Variants in KCNQ5 observed in about 807,000 individuals in gnomAD.
KCNQ5 encodes the protein potassium voltage-gated channel subfamily KQT member 5.
A neutral mutation model predicts 98.2 loss-of-function variants in KCNQ5; 30 were observed. The ratio of observed to expected loss-of-function variants is 0.31; its 90% CI spans 0.23 to 0.41. KCNQ5 has a LOEUF of 0.41. Ranked by LOEUF, KCNQ5 falls within the 10% of genes least tolerant of loss-of-function variation. The probability of loss-of-function intolerance (pLI) is 1.00; values close to 1 mark genes in which losing one functional copy is unlikely to be tolerated. For synonymous variants in KCNQ5, 458 were observed against 449.4 expected (o/e 1.02, Z -0.24); for missense variants, 835 against 1,182.5 (o/e 0.71, Z 4.31).
At chr6:72,961,773 G>A (rs1244666400) in intron 1 of KCNQ5, among the ~76,000 whole-genome samples, 2 of 152,118 alleles carry the variant, frequency 1.3e-5, no homozygotes, top group Admixed American at 6.6e-5. Flanking sequence ...ATCCATTCAG[G>A]TAATTGTGCA....
intron 5 of KCNQ5, among the ~76,000 whole-genome samples, chr6:73,092,655 T>G (rs1051212969): frequency 6.6e-6 from 1 of 152,220 alleles, no homozygotes; most frequent in Non-Finnish European, 1.5e-5. Context: ...TTTTTCTGCG[T>G]CTATTGAGAT....
At position 72,622,261 on chromosome 6, in the gene KCNQ5, G is replaced by GAA; in HGVS notation, c.72_73insAA (p.Ala25LysfsTer13). On this transcript the variant is annotated frameshift_variant, in exon 1 of 14. Coordinates refer to ENST00000370398, the MANE Select transcript of KCNQ5 (RefSeq NM_019842.4). LOFTEE classifies it high-confidence loss of function. The surrounding 1 kb of genome is among the most constrained non-coding windows in gnomAD (Gnocchi z 6.0). The stretch of plus-strand genomic sequence containing the variant: ...TCTGGGTGAAGAGCGGCGCAGCGGC[G>GAA]GCGGCGGCGGGCGGGGGGCGCTTGG... 1 of 1,267,112 alleles carries GAA rather than the reference G, an allele frequency of 7.9e-7. No individual in the cohort carries two copies. Among genetic ancestry groups the GAA allele is most frequent in the Non-Finnish European group, 9.9e-7 (1 of 1,010,462 alleles). 78.5% of individuals were successfully genotyped at this position (1,267,112 alleles called of 1,614,324 possible).
chr6:72,985,752 T>C (rs1235219328), intron 1 of KCNQ5, among the ~76,000 whole-genome samples: 1 of 152,172 alleles, frequency 6.6e-6, no homozygotes, highest in Non-Finnish European at 1.5e-5. Flanking sequence ...AGTTTAGAGA[T>C]TTCTTAAAGA....
intron 5 of KCNQ5, among the ~76,000 whole-genome samples, chr6:73,093,207 T>C (rs1257792765): frequency 6.6e-6 from 1 of 152,190 alleles, no homozygotes; most frequent in African/African-American, 2.4e-5. Context: ...GTGTTCATAG[T>C]AGCCTTGAAT....
chr6:73,053,151 A>G (rs945106677), intron 3 of KCNQ5, among the ~76,000 whole-genome samples: 1 of 152,202 alleles, frequency 6.6e-6, no homozygotes, highest in Non-Finnish European at 1.5e-5. Context: ...AGATAAAGAA[A>G]GGCATTACAT....
chr6:73,052,867 G>A (rs1438224831), intron 3 of KCNQ5, among the ~76,000 whole-genome samples: 1 of 151,996 alleles, frequency 6.6e-6, no homozygotes, highest in East Asian at 1.9e-4. Flanking sequence ...ACACAAAACA[G>A]GATTTGATCC....
At chr6:72,982,328 C>G (rs1768502839) in intron 1 of KCNQ5, among the ~76,000 whole-genome samples, 1 of 152,084 alleles carries the variant, frequency 6.6e-6, no homozygotes. Flanking sequence ...CTTTATGAAT[C>G]TGGGTGCTCC....
At chr6:73,090,586 T>C (rs1466974801) in intron 5 of KCNQ5, among the ~76,000 whole-genome samples, 1 of 152,212 alleles carries the variant, frequency 6.6e-6, no homozygotes, top group East Asian at 1.9e-4. Flanking sequence ...TTGATTCTTG[T>C]ATGTGGTGAG....
chr6:72,953,104 CTG>C (rs574620172), intron 1 of KCNQ5, among the ~76,000 whole-genome samples: 2 of 152,140 alleles, frequency 1.3e-5, no homozygotes, highest in Admixed American at 6.6e-5. Context: ...TTTGAGCACA[CTG>C]TGTGGTTCTA....
intron 1 of KCNQ5, among the ~76,000 whole-genome samples, chr6:72,751,826 C>T (rs1771700473): frequency 6.6e-6 from 1 of 152,076 alleles, no homozygotes; most frequent in Non-Finnish European, 1.5e-5. Flanking sequence ...ACTCGAATCA[C>T]TTTAATGATA....
chr6:73,137,802 G>A (rs374733003), intron 10 of KCNQ5, among the ~76,000 whole-genome samples: 2 of 152,054 alleles, frequency 1.3e-5, no homozygotes, highest in South Asian at 2.1e-4. Flanking sequence ...TGAATTTCAC[G>A]GTCCTCCTAC....
intron 1 of KCNQ5, among the ~76,000 whole-genome samples, chr6:72,954,888 G>T (rs572811717): frequency 6.6e-6 from 1 of 152,314 alleles, no homozygotes; most frequent in Admixed American, 6.5e-5. Flanking sequence ...CATGGCCCTC[G>T]TGTGTATGTA....
intron 1 of KCNQ5, among the ~76,000 whole-genome samples, chr6:72,890,362 G>C (rs1271668959): frequency 6.7e-6 from 1 of 150,192 alleles, no homozygotes; most frequent in Non-Finnish European, 1.5e-5. Flanking sequence ...TTAACTATAG[G>C]TACTATATTG....
intron 1 of KCNQ5, among the ~76,000 whole-genome samples, chr6:72,964,501 A>G (rs763506113): frequency 1.3e-5 from 2 of 152,232 alleles, no homozygotes; most frequent in Non-Finnish European, 1.5e-5. Context: ...CATTATTTGT[A>G]TATGAACTAT....
chr6:73,000,446 C>T (rs1227179139), intron 1 of KCNQ5, among the ~76,000 whole-genome samples: 1 of 152,148 alleles, frequency 6.6e-6, no homozygotes, highest in Non-Finnish European at 1.5e-5. Context: ...TAACATGTTC[C>T]ATACATTTAC....
In KCNQ5 at chr6:73,194,757, A is replaced by T; in HGVS notation, c.2142A>T (p.Thr714=). The T allele has an allele frequency of 6.2e-7, 1 of 1,614,264 alleles. No individual in the cohort carries two copies. The highest frequency in any genetic ancestry group is 8.5e-7 in the Non-Finnish European group (1 of 1,180,036). ...ALSPTMHSQA[T]QVPISQSDGS... is the part of the protein sequence containing the mutation. ...GCCCTACTATGCACAGTCAAGCAAC[A>T]CAGGTGCCAATTAGTCAAAGCGATG... Residue 714 remains threonine (T), a synonymous_variant, in exon 14 of 14, where the codon ACA becomes ACT. Transcript: ENST00000370398.
chr6:73,026,333 CCA>C (rs1286129249), intron 2 of KCNQ5, among the ~76,000 whole-genome samples: 2 of 152,176 alleles, frequency 1.3e-5, no homozygotes, highest in Non-Finnish European at 2.9e-5. Context: ...CTCCTTTTAC[CCA>C]GTCTACTTCA....
intron 1 of KCNQ5, among the ~76,000 whole-genome samples, chr6:72,843,029 T>G (rs1160535927): frequency 6.6e-6 from 1 of 152,246 alleles, no homozygotes; most frequent in Non-Finnish European, 1.5e-5. Flanking sequence ...GCCATTGCTT[T>G]CGGTATTTTA....
chr6:72,623,615 T>C (rs1393290149), intron 1 of KCNQ5, among the ~76,000 whole-genome samples: 1 of 152,218 alleles, frequency 6.6e-6, no homozygotes, highest in Non-Finnish European at 1.5e-5. Context: ...GTTGTTTTTA[T>C]AATGTTACCT....
Sources: gnomAD v4.1 joint callset for allele counts (sites outside exome capture counted in the v4.1 genomes callset) on GRCh38, gnomAD v4.1.1 for gene constraint, Gnocchi (gnomAD v3.1) non-coding constraint, MANE v1.5 for transcripts, NCBI Gene and HGNC (gene_info 2026-07-23, HGNC 2026-07-21) for gene names.